The following UFSP2 variants were observed in gnomAD, a reference collection of about 807,000 sequenced individuals.
UFSP2 encodes UFM1 specific peptidase 2, also known as ufm1-specific protease 2.
A neutral mutation model predicts 60.2 loss-of-function variants in UFSP2; 43 were observed. That is an observed-to-expected ratio of 0.71 (90% CI 0.56 to 0.92). The LOEUF (loss-of-function observed/expected upper bound fraction) is 0.92. Among genes scored for constraint, UFSP2 ranks in the 40% least tolerant of loss-of-function variants. UFSP2 has a pLI of 0.00. For missense variants in UFSP2, 520 were observed against 575.0 expected (o/e 0.90, Z 0.98); for synonymous variants, 183 against 195.1 (o/e 0.94, Z 0.52).
At chr4:185,402,831 G>C (rs914600027) in intron 11 of UFSP2, among the ~76,000 whole-genome samples, 5 of 152,190 alleles carry the variant, frequency 3.3e-5, no homozygotes, top group African/African-American at 4.8e-5. Context: ...TTAAAAGGTG[G>C]TTATGTATTC....
At chr4:185,401,823 A>G (rs1286622303) in intron 11 of UFSP2, among the ~76,000 whole-genome samples, 1 of 152,242 alleles carries the variant, frequency 6.6e-6, no homozygotes, top group Non-Finnish European at 1.5e-5. Context: ...CTAATTGTTC[A>G]GAAACCTTAC....
intron 10 of UFSP2, 55 bp downstream of exon 10, chr4:185,405,722 CAAT>C (rs1249698481): frequency 2.6e-6 from 4 of 1,528,620 alleles, no homozygotes; most frequent in Non-Finnish European, 2.7e-6. Context: ...ATATTTATAT[CAAT>C]GATAAGTTTT....
chr4:185,402,465 G>A, intron 11 of UFSP2: 1 of 315,618 alleles, frequency 3.2e-6, no homozygotes, highest in South Asian at 2.7e-5. Flanking sequence ...TAACAGAGTT[G>A]GACTACACAC....
At chr4:185,409,980 T>TA (rs1561112089) in intron 7 of UFSP2, among the ~76,000 whole-genome samples, 1 of 152,216 alleles carries the variant, frequency 6.6e-6, no homozygotes, top group African/African-American at 2.4e-5. Flanking sequence ...AGCCCAGTGA[T>TA]ACTACTTTCA....
chr4:185,407,538 G>C (rs1470028677), intron 9 of UFSP2, among the ~76,000 whole-genome samples: 1 of 152,044 alleles, frequency 6.6e-6, no homozygotes, highest in Non-Finnish European at 1.5e-5. Flanking sequence ...AAGAAAAAGA[G>C]CAGGAGGTAA....
intron 4 of UFSP2, among the ~76,000 whole-genome samples, chr4:185,417,941 G>T (rs920758634): frequency 1.3e-5 from 2 of 151,824 alleles, no homozygotes; most frequent in Non-Finnish European, 2.9e-5. Context: ...CTACTCAGGA[G>T]GCCGAGGCAG....
chr4:185,425,337 A>G (rs1181494741), intron 1 of UFSP2, among the ~76,000 whole-genome samples: 1 of 152,048 alleles, frequency 6.6e-6, no homozygotes, highest in Non-Finnish European at 1.5e-5. Flanking sequence ...ATCCAAGTGG[A>G]GGCACGGTTA....
At position 185,422,685 on chromosome 4, in the gene UFSP2, ATGAGT is replaced by A. The variant is rs573661447; in HGVS notation, c.4-127_4-123del. On this transcript the variant is annotated intron_variant, in intron 1 of 11. Transcript: ENST00000264689. The stretch of plus-strand genomic sequence containing the variant: ...TAACCTTGATTCTTCAAATTATTTC[ATGAGT>A]TAATTCCTTGTTTTATAGAAAAAAC... 1.7e-4 allele frequency: 119 copies of A among 704,494 alleles called. 1 individual carries two copies. In the African/African-American group the frequency reaches 1.7e-3, roughly 10 times the overall value. 43.6% of individuals were successfully genotyped at this position (704,494 alleles called of 1,614,324 possible).
At chr4:185,415,114 G>GTCATTATT (rs755851735) in intron 6 of UFSP2, 41 bp downstream of exon 6, 5 of 1,441,042 alleles carry the variant, frequency 3.5e-6, no homozygotes, top group Non-Finnish European at 2.8e-6. Context: ...ATGAATGATA[G>GTCATTATT]TCATTATTGT....
rs144791679 is a variant in UFSP2 at position 185,405,743 on chromosome 4, A to T, written c.1198+37T>A. On this transcript the variant is annotated intron_variant, in intron 10 of 11. Coordinates refer to ENST00000264689, the MANE Select transcript of UFSP2 (RefSeq NM_018359.5). ...ATATCAATGATAAGTTTTGCATATT[A>T]CTCACTCTACCAAAAACAGTGTCTG... 7.8e-4 allele frequency: 1,233 copies of T among 1,589,606 alleles called. 5 individuals carry two copies. The African/African-American group carries it at 0.013, about 17-fold the overall frequency.
intron 11 of UFSP2, among the ~76,000 whole-genome samples, chr4:185,403,195 T>C (rs570512522): frequency 9.2e-5 from 14 of 152,368 alleles, no homozygotes; most frequent in African/African-American, 3.4e-4. Flanking sequence ...TGATAAACTT[T>C]GATACATTTG....
chr4:185,425,238 G>A (rs2095557375), intron 1 of UFSP2, among the ~76,000 whole-genome samples: 2 of 152,152 alleles, frequency 1.3e-5, no homozygotes, highest in Non-Finnish European at 2.9e-5. Flanking sequence ...CTACAGAGTT[G>A]GGGGTTCCTG....
intron 11 of UFSP2, chr4:185,402,380 CTG>C (rs1446632752): frequency 2.5e-5 from 11 of 447,598 alleles, no homozygotes; most frequent in Middle Eastern, 3.7e-4. Context: ...ACACTTAAAA[CTG>C]TAACAACACA....
At chr4:185,415,964 GA>G (rs908384454) in intron 4 of UFSP2, 97 bp from the exon 5 acceptor site, 1 of 1,103,766 alleles carries the variant, frequency 9.1e-7, no homozygotes, top group Non-Finnish European at 1.2e-6. Flanking sequence ...TTATTATTAA[GA>G]AAAAAATTTA....
Position 185,400,052 on chromosome 4 carries a change from C to T in UFSP2, c.*340G>A, listed in dbSNP as rs1232594895. ...GGTTATGAAGAAGTCTGAAGAACGC[C>T]TTCATTTCATGCAAATCTATAAGCT... On this transcript the variant is annotated 3_prime_UTR_variant, in exon 12 of 12. Transcript: ENST00000264689. 2 of 1,552,688 alleles carry T rather than the reference C, an allele frequency of 1.3e-6. No homozygotes were observed. The highest frequency in any genetic ancestry group is 1.8e-6 in the Non-Finnish European group (2 of 1,132,892).
At chr4:185,406,380 T>C (rs1344787959) in intron 9 of UFSP2, among the ~76,000 whole-genome samples, 3 of 152,202 alleles carry the variant, frequency 2.0e-5, no homozygotes. Flanking sequence ...TGCAACATAC[T>C]ATTTTTAGGG....
chr4:185,412,365 A>T (rs2095530842), intron 7 of UFSP2, among the ~76,000 whole-genome samples: 1 of 152,188 alleles, frequency 6.6e-6, no homozygotes, highest in Non-Finnish European at 1.5e-5. Flanking sequence ...TGCTGCCCTG[A>T]GTACACTCTA....
intron 2 of UFSP2, among the ~76,000 whole-genome samples, chr4:185,421,286 G>A (rs1279061188): frequency 6.6e-6 from 1 of 152,178 alleles, no homozygotes; most frequent in Non-Finnish European, 1.5e-5. Flanking sequence ...AGTAAAGGAT[G>A]GCCAGCTGCA....
At chr4:185,403,435 G>C in intron 11 of UFSP2, 59 bp downstream of exon 11, 1 of 1,586,076 alleles carries the variant, frequency 6.3e-7, no homozygotes, top group South Asian at 1.2e-5. Flanking sequence ...GCCAGTTTGT[G>C]ATCCTTCATT....
Sources: gnomAD v4.1 joint callset for allele counts (sites outside exome capture counted in the v4.1 genomes callset) on GRCh38, gnomAD v4.1.1 for gene constraint, MANE v1.5 for transcripts, NCBI Gene and HGNC (gene_info 2026-07-23, HGNC 2026-07-21) for gene names.